The following NCAM1 variants were observed in gnomAD, a reference collection of about 807,000 sequenced individuals.
The protein encoded by NCAM1 is neural cell adhesion molecule 1, also known as antigen recognized by monoclonal antibody 5.1H11.
A neutral mutation model predicts 109.8 loss-of-function variants in NCAM1; 14 were observed. That is an observed-to-expected ratio of 0.13 (90% confidence interval 0.08 to 0.20). The LOEUF is 0.20. Among genes scored for constraint, NCAM1 ranks in the 10% least tolerant of loss-of-function variants. The probability of loss-of-function intolerance (pLI) is 1.00; values close to 1 mark genes in which losing one functional copy is unlikely to be tolerated. For missense variants in NCAM1, 774 were observed against 1,109.9 expected, an observed-to-expected ratio of 0.70 and a Z score of 4.30; for synonymous variants, 418 against 442.9, an observed-to-expected ratio of 0.94 and a Z score of 0.70.
At chr11:113,119,497 G>C (rs1940855998) in intron 1 of NCAM1, among the ~76,000 whole-genome samples, 1 of 152,154 alleles carries the variant, frequency 6.6e-6, no homozygotes, top group Non-Finnish European at 1.5e-5. Flanking sequence ...TGTTGGAATG[G>C]CTGGTAGCAG....
intron 1 of NCAM1, among the ~76,000 whole-genome samples, chr11:113,159,358 A>C (rs1942522344): frequency 6.6e-6 from 1 of 152,064 alleles, no homozygotes; most frequent in Admixed American, 6.6e-5. Context: ...TTTGTGTGTA[A>C]GCACCTGTTG....
Position 113,275,508 on chromosome 11 carries a change from A to C in NCAM1, c.*121A>C. 3 of 1,216,520 alleles carry C rather than the reference A, an allele frequency of 2.5e-6. No individual in the cohort carries two copies. The South Asian group carries it at 4.8e-5, about 20-fold the overall frequency. 75.4% of individuals were successfully genotyped at this position (1,216,520 alleles called of 1,614,324 possible). On this transcript the variant is annotated 3_prime_UTR_variant, in exon 20 of 20. Coordinates refer to ENST00000316851, the MANE Select transcript of NCAM1 (RefSeq NM_181351.5). ...CACACAAACACACATGCACACACAC[A>C]CATCTCATTTCTCTAGTGTCTTTTG...
At position 113,275,470 on chromosome 11, in the gene NCAM1, ACACG is replaced by A. The variant is rs782553769; in HGVS notation, c.*91_*94del. Reference sequence around the variant, plus strand: ...AGCATTTCCAACACCACAGACACACACACGCACGCACACACACAAACACACATGC... The same window carrying A: ...AGCATTTCCAACACCACAGACACACACACGCACACACACAAACACACATGC... On this transcript the variant is annotated 3_prime_UTR_variant, in exon 20 of 20. Transcript: ENST00000316851. 43 of 1,480,284 alleles carry A rather than the reference ACACG, an allele frequency of 2.9e-5. No homozygotes were observed. The Middle Eastern group carries it at 1.6e-3, about 53-fold the overall frequency. 91.7% of individuals were successfully genotyped at this position (1,480,284 alleles called of 1,614,324 possible). A position where few individuals can be genotyped will look rare whatever the true frequency, so the allele number is the denominator to read the frequency against.
intron 1 of NCAM1, among the ~76,000 whole-genome samples, chr11:113,029,576 A>C (rs2135329465): frequency 6.6e-6 from 1 of 152,328 alleles, no homozygotes; most frequent in East Asian, 1.9e-4. Context: ...AGTTCAGATG[A>C]CAGCAGGAGG....
intron 19 of NCAM1, chr11:113,272,856 C>T: frequency 2.2e-6 from 1 of 450,810 alleles, no homozygotes; most frequent in Non-Finnish European, 4.5e-6. Flanking sequence ...CTGTCCTGGG[C>T]TTCAGCCCTC....
At chr11:113,119,950 A>G (rs2136024096) in intron 1 of NCAM1, among the ~76,000 whole-genome samples, 1 of 152,352 alleles carries the variant, frequency 6.6e-6, no homozygotes, top group Admixed American at 6.5e-5. Context: ...TTTGGAACAC[A>G]GAAAAATGAA....
chr11:113,191,036 A>G (rs1943660615), intron 1 of NCAM1, among the ~76,000 whole-genome samples: 1 of 152,230 alleles, frequency 6.6e-6, no homozygotes, highest in Non-Finnish European at 1.5e-5. Context: ...TCAACGTTTT[A>G]ATAAGGAAAG....
At chr11:113,172,192 A>G (rs1943015990) in intron 1 of NCAM1, among the ~76,000 whole-genome samples, 1 of 152,196 alleles carries the variant, frequency 6.6e-6, no homozygotes, top group African/African-American at 2.4e-5. Context: ...AACATAGTAC[A>G]TCTCATCTCT....
chr11:113,234,927 T>C (rs1306747848), intron 13 of NCAM1, 106 bp from the exon 14 acceptor site: 2 of 1,371,690 alleles, frequency 1.5e-6, no homozygotes, highest in African/African-American at 2.9e-5. Flanking sequence ...CTGGACCAAA[T>C]GATAAATCTA....
intron 1 of NCAM1, among the ~76,000 whole-genome samples, chr11:113,118,046 G>A (rs1479063291): frequency 6.6e-6 from 1 of 151,772 alleles, no homozygotes; most frequent in East Asian, 1.9e-4. Context: ...ATTTTCATGA[G>A]GTTTAGGGAT....
intron 1 of NCAM1, among the ~76,000 whole-genome samples, chr11:113,071,370 C>CT (rs1938251802): frequency 6.6e-6 from 1 of 150,870 alleles, no homozygotes; most frequent in Admixed American, 6.6e-5. Flanking sequence ...AAGCTTTTCA[C>CT]TTGAGCAACC....
At chr11:112,968,174 A>G (rs1950776852) in intron 1 of NCAM1, among the ~76,000 whole-genome samples, 1 of 152,226 alleles carries the variant, frequency 6.6e-6, no homozygotes. Context: ...TTAGAATCAT[A>G]TATTGAAGTC....
intron 9 of NCAM1, among the ~76,000 whole-genome samples, chr11:113,225,919 GCTC>G (rs1207649927): frequency 1.3e-5 from 2 of 152,120 alleles, no homozygotes; most frequent in Admixed American, 1.3e-4. Context: ...CCCTACAAGA[GCTC>G]CTGAAGGAAG....
chr11:113,086,532 C>G (rs1199456059), intron 1 of NCAM1, among the ~76,000 whole-genome samples: 1 of 152,150 alleles, frequency 6.6e-6, no homozygotes, highest in African/African-American at 2.4e-5. Flanking sequence ...TTCAGATGCT[C>G]AGGGATGTGT....
chr11:113,099,895 G>T (rs1555091199), intron 1 of NCAM1, among the ~76,000 whole-genome samples: 1 of 152,072 alleles, frequency 6.6e-6, no homozygotes, highest in East Asian at 1.9e-4. Flanking sequence ...CACCATATTG[G>T]CCAGGCTGTT....
chr11:113,213,216 C>A (rs1235560612), intron 7 of NCAM1, among the ~76,000 whole-genome samples: 1 of 152,202 alleles, frequency 6.6e-6, no homozygotes, highest in Non-Finnish European at 1.5e-5. Context: ...AACTAGCTAT[C>A]ATTCTCTTGG....
chr11:113,061,449 G>T (rs571651070), intron 1 of NCAM1, among the ~76,000 whole-genome samples: 1 of 152,300 alleles, frequency 6.6e-6, no homozygotes, highest in Non-Finnish European at 1.5e-5. Context: ...GTGAATTATG[G>T]AAGTGGTATA....
chr11:112,999,487 T>TG (rs1951687671), intron 1 of NCAM1, among the ~76,000 whole-genome samples: 1 of 152,164 alleles, frequency 6.6e-6, no homozygotes, highest in South Asian at 2.1e-4. Flanking sequence ...TTTCTTTTTT[T>TG]GTTTTTTAGC....
In NCAM1 at chr11:113,166,153, C is replaced by T. The variant is rs540730747; in HGVS notation, c.53-36226C>T. Among the ~76,000 whole-genome samples, 9 of 152,240 alleles carry T rather than the reference C, an allele frequency of 5.9e-5. No homozygotes were observed. The South Asian group carries it at 6.2e-4, about 11-fold the overall frequency. ...GGCAAAATTGACTGATTTCTTTCCA[C>T]GCCTGTTTATATTTCCCGCCTTCTC... On this transcript the variant is annotated intron_variant, in intron 1 of 19. Coordinates refer to ENST00000316851, the MANE Select transcript of NCAM1 (RefSeq NM_181351.5).
Sources: allele counts gnomAD v4.1 joint callset (sites outside exome capture counted in the v4.1 genomes callset), GRCh38; gene constraint gnomAD v4.1.1; transcripts MANE v1.5; gene names NCBI Gene and HGNC (gene_info 2026-07-23, HGNC 2026-07-21).